Variants in MYO9A observed in about 807,000 individuals in gnomAD.
MYO9A encodes unconventional myosin-IXa.
MYO9A carries 103 observed loss-of-function variants against 293.3 expected under a neutral mutation model. That is an observed-to-expected ratio of 0.35 (90% CI 0.30 to 0.41). MYO9A has a LOEUF of 0.41. MYO9A is among the 10% of genes least tolerant of loss of function. The pLI is 1.00. For missense variants in MYO9A, 2,685 were observed against 3,033.0 expected (o/e 0.89, Z 2.69); for synonymous variants, 1,001 against 1,035.7 (o/e 0.97, Z 0.64).
At chr15:72,094,348 T>C (rs1401486319) in intron 1 of MYO9A, among the ~76,000 whole-genome samples, 1 of 46,012 alleles carries the variant, frequency 2.2e-5, no homozygotes, top group Admixed American at 3.5e-4. Flanking sequence ...TTTGCTTTAT[T>C]GCACTTCACA....
In MYO9A at chr15:71,849,912, T is replaced by G. The variant is rs2055560454; in HGVS notation, c.6713+124A>C. 3 of 933,474 alleles carry G rather than the reference T, an allele frequency of 3.2e-6. No individual in the cohort carries two copies. In the East Asian group the frequency reaches 1.0e-4, roughly 31 times the overall value. The allele number at this position is 933,474 out of a possible 1,614,324, so 57.8% of individuals were successfully genotyped here. On this transcript the variant is annotated intron_variant, in intron 38 of 41. Coordinates refer to ENST00000356056, the MANE Select transcript of MYO9A (RefSeq NM_006901.4). ...CTCAGCATAAGAAAACCCAGCAGTG[T>G]CCAACAATCTTCTTAAAAACACCTG... is the stretch of plus-strand genomic sequence containing the variant.
chr15:71,977,617 A>G (rs2076175833), intron 12 of MYO9A, among the ~76,000 whole-genome samples: 8 of 152,158 alleles, frequency 5.3e-5, no homozygotes, highest in Admixed American at 5.2e-4. Context: ...AGAAAGAAAC[A>G]TGTAACCAAA....
chr15:71,903,390 A>G (rs1010202091), intron 21 of MYO9A, among the ~76,000 whole-genome samples: 1 of 152,220 alleles, frequency 6.6e-6, no homozygotes, highest in African/African-American at 2.4e-5. Context: ...AAAAAAAAGC[A>G]AACGTGGCAG....
intron 2 of MYO9A, among the ~76,000 whole-genome samples, chr15:72,044,514 T>G (rs559430493): frequency 6.6e-6 from 1 of 152,170 alleles, no homozygotes; most frequent in Non-Finnish European, 1.5e-5. Context: ...ACTAAAAAAT[T>G]TGTGTCCTAC....
intron 1 of MYO9A, among the ~76,000 whole-genome samples, chr15:72,115,278 A>G (rs758367741): frequency 1.3e-4 from 20 of 152,190 alleles, no homozygotes; most frequent in Non-Finnish European, 2.6e-4. Flanking sequence ...ATCTACTGCT[A>G]TCAACCCAGA....
At chr15:71,926,942 T>C (rs2058328990) in intron 18 of MYO9A, among the ~76,000 whole-genome samples, 1 of 152,010 alleles carries the variant, frequency 6.6e-6, no homozygotes, top group African/African-American at 2.4e-5. Flanking sequence ...CAGCCAGTTG[T>C]AGGGACAGCG....
At chr15:71,856,539 TA>T (rs1390958349) in intron 34 of MYO9A, among the ~76,000 whole-genome samples, 3 of 152,002 alleles carry the variant, frequency 2.0e-5, no homozygotes, top group African/African-American at 7.2e-5. Context: ...ACAGGAAATA[TA>T]AAACTACAAA....
intron 11 of MYO9A, among the ~76,000 whole-genome samples, chr15:71,988,502 T>C (rs1438566510): frequency 6.6e-6 from 1 of 152,178 alleles, no homozygotes; most frequent in Admixed American, 6.5e-5. Flanking sequence ...GCTAACAGAT[T>C]ATATGTTTAA....
intron 1 of MYO9A, among the ~76,000 whole-genome samples, chr15:72,103,388 C>A (rs1367723108): frequency 1.4e-5 from 2 of 140,408 alleles, no homozygotes; most frequent in Non-Finnish European, 3.0e-5. Flanking sequence ...GAAGCAGCAG[C>A]AGCAGAAGCA....
intron 1 of MYO9A, among the ~76,000 whole-genome samples, chr15:72,086,584 C>T (rs1040730102): frequency 2.7e-5 from 4 of 148,580 alleles, no homozygotes; most frequent in Admixed American, 1.4e-4. Context: ...CACGTGCTGG[C>T]GAGGCGAGGG....
intron 14 of MYO9A, among the ~76,000 whole-genome samples, chr15:71,957,185 T>G (rs1596280191): frequency 1.3e-5 from 2 of 152,172 alleles, no homozygotes; most frequent in South Asian, 4.1e-4. Flanking sequence ...AGTGGCTACA[T>G]CAGTAGTATA....
chr15:71,925,317 A>G (rs199854666), intron 18 of MYO9A, among the ~76,000 whole-genome samples: 2,009 of 25,524 alleles, frequency 0.079, 35 homozygotes, highest in Non-Finnish European at 0.087. Context: ...GTATATACGT[A>G]TATGTACATA....
At chr15:72,060,102 G>C (rs2078838786) in intron 1 of MYO9A, among the ~76,000 whole-genome samples, 2 of 152,012 alleles carry the variant, frequency 1.3e-5, no homozygotes, top group South Asian at 4.1e-4. Context: ...TGATTTTTTT[G>C]TACATTTTGG....
At chr15:72,055,545 A>C (rs532975885) in intron 1 of MYO9A, among the ~76,000 whole-genome samples, 2 of 152,344 alleles carry the variant, frequency 1.3e-5, no homozygotes, top group Non-Finnish European at 2.9e-5. Flanking sequence ...AGAGTGTAAG[A>C]AAATCTTCAC....
chr15:71,833,862 T>G (rs932504265), intron 39 of MYO9A, among the ~76,000 whole-genome samples: 3 of 152,118 alleles, frequency 2.0e-5, no homozygotes, highest in Admixed American at 6.5e-5. Flanking sequence ...AAAACCCATG[T>G]AAGCTCTGTC....
chr15:71,935,263 AT>A (rs536993604), intron 17 of MYO9A, 77 bp downstream of exon 17: 19 of 1,410,288 alleles, frequency 1.3e-5, no homozygotes, highest in East Asian at 2.3e-5. Context: ...TTCCTTCTTC[AT>A]TTTTTTCTGC....
intron 1 of MYO9A, among the ~76,000 whole-genome samples, chr15:72,071,395 G>C (rs2150174889): frequency 6.6e-6 from 1 of 152,254 alleles, no homozygotes; most frequent in Non-Finnish European, 1.5e-5. Flanking sequence ...AAAAAAATAA[G>C]AGATGTTGGC....
intron 1 of MYO9A, among the ~76,000 whole-genome samples, chr15:72,092,519 G>C (rs1380801853): frequency 6.6e-6 from 1 of 152,134 alleles, no homozygotes; most frequent in Non-Finnish European, 1.5e-5. Context: ...TAAGACTGCA[G>C]TAAGCTATGA....
At chr15:71,876,632 C>T (rs2056701594) in intron 31 of MYO9A, among the ~76,000 whole-genome samples, 1 of 151,070 alleles carries the variant, frequency 6.6e-6, no homozygotes, top group Admixed American at 6.6e-5. Context: ...GACGGGGTTT[C>T]ACTATGTTGG....
Sources: allele counts gnomAD v4.1 joint callset (sites outside exome capture counted in the v4.1 genomes callset), GRCh38; gene constraint gnomAD v4.1.1; transcripts MANE v1.5; gene names NCBI Gene and HGNC (gene_info 2026-07-23, HGNC 2026-07-21).